GRID1: variants seen among roughly 807,000 people sequenced by gnomAD.
The protein encoded by GRID1 is glutamate receptor ionotropic, delta-1.
GRID1 carries 28 observed loss-of-function variants against 98.0 expected under a neutral mutation model. The ratio of observed to expected loss-of-function variants is 0.29; its 90% CI spans 0.21 to 0.39. The LOEUF (loss-of-function observed/expected upper bound fraction) is 0.39. Ranked by LOEUF, GRID1 falls within the 10% of genes least tolerant of loss-of-function variation. The probability of loss-of-function intolerance (pLI) is 1.00; values close to 1 mark genes in which losing one functional copy is unlikely to be tolerated. For missense variants in GRID1, 1,111 were observed against 1,340.5 expected (o/e 0.83, Z 2.67); for synonymous variants, 553 against 538.5 (o/e 1.03, Z -0.37).
chr10:86,240,674 A>G (rs948448255), intron 2 of GRID1, among the ~76,000 whole-genome samples: 5 of 152,176 alleles, frequency 3.3e-5, no homozygotes, highest in Non-Finnish European at 5.9e-5. Flanking sequence ...CTGCTCCCCT[A>G]TGGAATGTGC....
intron 3 of GRID1, among the ~76,000 whole-genome samples, chr10:86,174,702 G>A (rs1045376616): frequency 1.3e-5 from 2 of 149,566 alleles, no homozygotes; most frequent in Admixed American, 6.7e-5. Context: ...GAGTGAACAG[G>A]CAACCTACAG....
intron 8 of GRID1, among the ~76,000 whole-genome samples, chr10:85,771,042 G>A (rs1842260021): frequency 6.6e-6 from 1 of 152,138 alleles, no homozygotes; most frequent in Non-Finnish European, 1.5e-5. Flanking sequence ...AAGTTGAAAT[G>A]AAGGAAAAAA....
chr10:86,292,863 G>A (rs1284668910), intron 2 of GRID1, among the ~76,000 whole-genome samples: 2 of 152,072 alleles, frequency 1.3e-5, no homozygotes, highest in East Asian at 1.9e-4. Flanking sequence ...TGTGAGTGTG[G>A]CAGATGTGAG....
intron 8 of GRID1, among the ~76,000 whole-genome samples, chr10:85,817,460 A>G (rs975930748): frequency 1.3e-5 from 2 of 152,196 alleles, no homozygotes; most frequent in African/African-American, 2.4e-5. Context: ...CAAGAGGTCA[A>G]GGCTGCAGTG....
intron 2 of GRID1, among the ~76,000 whole-genome samples, chr10:86,328,131 A>G (rs1848079947): frequency 6.6e-6 from 1 of 152,248 alleles, no homozygotes. Context: ...CATGAAAAGA[A>G]GCAAGTGCAG....
chr10:85,678,236 C>A (rs1388743522), intron 12 of GRID1, among the ~76,000 whole-genome samples: 2 of 152,118 alleles, frequency 1.3e-5, no homozygotes, highest in African/African-American at 2.4e-5. Flanking sequence ...CACCTTCCTG[C>A]TCGACAAGGT....
chr10:86,240,728 A>G (rs1846615554), intron 2 of GRID1, among the ~76,000 whole-genome samples: 2 of 152,238 alleles, frequency 1.3e-5, no homozygotes, highest in Non-Finnish European at 2.9e-5. Context: ...GCAGTGGAGC[A>G]GCCACCAGGT....
chr10:86,068,271 G>A (rs1267107904), intron 4 of GRID1, among the ~76,000 whole-genome samples: 1 of 152,248 alleles, frequency 6.6e-6, no homozygotes, highest in East Asian at 1.9e-4. Flanking sequence ...ATGTCACCAC[G>A]TTACTTCCCC....
intron 2 of GRID1, among the ~76,000 whole-genome samples, chr10:86,307,999 A>G (rs1847782586): frequency 6.6e-6 from 1 of 152,024 alleles, no homozygotes; most frequent in African/African-American, 2.4e-5. Context: ...GGATCCCCGG[A>G]ACTTACTCAT....
At chr10:86,117,023 TACC>T (rs1374528386) in intron 4 of GRID1, among the ~76,000 whole-genome samples, 4 of 146,938 alleles carry the variant, frequency 2.7e-5, no homozygotes. Flanking sequence ...TCACCAATAC[TACC>T]ACCATCACCA....
rs141941751 is a variant in GRID1 at position 86,298,458 on chromosome 10, A to G, written c.235+65483T>C. Among the ~76,000 whole-genome samples the G allele has an allele frequency of 2.4e-3, 368 of 152,310 alleles. 2 individuals carry two copies. Among genetic ancestry groups the G allele is most frequent in the African/African-American group, 7.9e-3 (330 of 41,542 alleles). ...AAGGAGTCTCTTTAGCTATAAGGTC[A>G]GCCTCACCTGACGTTCACTCCCTGC... On this transcript the variant is annotated intron_variant, in intron 2 of 15. Coordinates refer to ENST00000327946, the MANE Select transcript of GRID1 (RefSeq NM_017551.3).
intron 3 of GRID1, among the ~76,000 whole-genome samples, chr10:86,202,080 CA>C (rs1845961531): frequency 6.6e-6 from 1 of 152,248 alleles, no homozygotes; most frequent in South Asian, 2.1e-4. Context: ...GCCACTCAAA[CA>C]GAGCCCTGAT....
At position 85,729,561 on chromosome 10, in the gene GRID1, G is replaced by T. The variant is rs3812644; in HGVS notation, c.1287C>A (p.Pro429=). 6.2e-7 allele frequency: 1 copy of T among 1,611,906 alleles called. No individual in the cohort carries two copies. Among genetic ancestry groups the T allele is most frequent in the African/African-American group, 1.3e-5 (1 of 74,676 alleles). ...KGLNGSLQER[P]MGSRLQGLTL... ...TCAATCCTTGGAGGCGGCTGCCCAT[G>T]GGCCTCTCTTGCAAGCTGCCATTCA... Residue 429 remains proline, a synonymous_variant, in exon 9 of 16, where the codon CCC becomes CCA. Coordinates refer to ENST00000327946, the MANE Select transcript of GRID1 (RefSeq NM_017551.3).
At chr10:86,148,598 C>T (rs887423364) in intron 3 of GRID1, among the ~76,000 whole-genome samples, 2 of 152,070 alleles carry the variant, frequency 1.3e-5, no homozygotes, top group Admixed American at 1.3e-4. Context: ...AAATTCATAA[C>T]AGACTCGATT....
At position 85,602,414 on chromosome 10, in the gene GRID1, G is replaced by A. The variant is rs751594746; in HGVS notation, c.2889C>T (p.Ser963=). Residue 963 remains serine (S), a synonymous_variant, in exon 16 of 16, where the codon TCC becomes TCT. Transcript: ENST00000327946. ...TGGGTGACCTGTGTTTGCACTGCAT[G>A]GAGGGCATGGTCGCCGAGCTGCTCA... is the stretch of plus-strand genomic sequence containing the variant. The part of the protein sequence containing the change: ...LPLSSSATMP[S]MQCKHRSPNG... The A allele has an allele frequency of 7.4e-6, 12 of 1,614,096 alleles. No homozygotes were observed. Among genetic ancestry groups the A allele is most frequent in the South Asian group, 3.3e-5 (3 of 91,068 alleles).
chr10:85,878,921 G>A (rs1259599972), intron 5 of GRID1, among the ~76,000 whole-genome samples: 4 of 152,192 alleles, frequency 2.6e-5, no homozygotes, highest in Admixed American at 2.6e-4. Context: ...AAGGGATGGA[G>A]GAAGATCTAC....
chr10:85,626,811 T>A (rs892909394), intron 13 of GRID1, among the ~76,000 whole-genome samples: 2 of 152,142 alleles, frequency 1.3e-5, no homozygotes, highest in African/African-American at 4.8e-5. Flanking sequence ...ACCCAGACCA[T>A]CTGCAGAGAA....
At chr10:85,913,109 G>C (rs1474489899) in intron 5 of GRID1, among the ~76,000 whole-genome samples, 4 of 152,210 alleles carry the variant, frequency 2.6e-5, no homozygotes, top group Non-Finnish European at 4.4e-5. Context: ...TTTCCAACAG[G>C]CCCTACCTTC....
chr10:86,331,550 C>T (rs1848142825), intron 2 of GRID1, among the ~76,000 whole-genome samples: 3 of 152,188 alleles, frequency 2.0e-5, no homozygotes, highest in South Asian at 4.1e-4. Context: ...CCAGACATTC[C>T]ACCAGTGCCC....
Sources: allele counts gnomAD v4.1 joint callset (sites outside exome capture counted in the v4.1 genomes callset), GRCh38; gene constraint gnomAD v4.1.1; transcripts MANE v1.5; gene names NCBI Gene and HGNC (gene_info 2026-07-23, HGNC 2026-07-21).